The following PIK3CD variants were observed in gnomAD, a reference collection of about 807,000 sequenced individuals.
PIK3CD encodes phosphatidylinositol 4,5-bisphosphate 3-kinase catalytic subunit delta isoform.
In PIK3CD, 20 loss-of-function variants were observed where a neutral mutation model predicts 122.9. The observed-to-expected ratio is 0.16, with a 90% CI of 0.11 to 0.24. The LOEUF (loss-of-function observed/expected upper bound fraction) is 0.24. Among genes scored for constraint, PIK3CD ranks in the 10% least tolerant of loss-of-function variants. The pLI is 1.00. For synonymous variants in PIK3CD, 596 were observed against 593.4 expected (o/e 1.00, Z -0.06); for missense variants, 787 against 1,406.3 (o/e 0.56, Z 7.04).
chr1:9,658,763 C>T (rs2100791875), intron 1 of PIK3CD, among the ~76,000 whole-genome samples: 1 of 152,228 alleles, frequency 6.6e-6, no homozygotes, highest in South Asian at 2.1e-4. Context: ...CTCCTGACCT[C>T]AGGTGATCTA....
chr1:9,705,552 C>T (rs566619197), intron 2 of PIK3CD, among the ~76,000 whole-genome samples: 10 of 151,956 alleles, frequency 6.6e-5, no homozygotes, highest in African/African-American at 2.4e-4. Context: ...CAAAAAGACA[C>T]CATAAGCAAA....
intron 1 of PIK3CD, among the ~76,000 whole-genome samples, chr1:9,671,332 C>G (rs1016941787): frequency 1.3e-5 from 2 of 152,086 alleles, no homozygotes; most frequent in African/African-American, 4.8e-5. Flanking sequence ...CTCCTGGGCC[C>G]AAGAGATCCA....
intron 3 of PIK3CD, among the ~76,000 whole-genome samples, chr1:9,712,965 T>A (rs1453053145): frequency 1.3e-5 from 2 of 152,164 alleles, no homozygotes; most frequent in Non-Finnish European, 2.9e-5. Flanking sequence ...GTAGGTCACC[T>A]GAGGTCAGGA....
rs371817001 is a variant in PIK3CD, at chr1:9,723,102, C to T, written c.2427-23C>T. The T allele has an allele frequency of 2.9e-5, 46 of 1,612,432 alleles. No homozygotes were observed. The East Asian group carries it at 3.8e-4, about 13-fold the overall frequency. The stretch of plus-strand genomic sequence containing the variant: ...ACAGCCCTTGACCATGCCATTTGCC[C>T]GTCCCTCTTCCCCCTTGCCTAGGAT... On this transcript the variant is annotated intron_variant, in intron 19 of 23. Coordinates refer to ENST00000377346, the MANE Select transcript of PIK3CD (RefSeq NM_005026.5). The surrounding 1 kb of genome is among the most constrained non-coding windows in gnomAD (Gnocchi z 4.9).
chr1:9,695,853 A>G (rs200552439), intron 2 of PIK3CD, among the ~76,000 whole-genome samples: 2 of 150,248 alleles, frequency 1.3e-5, no homozygotes, highest in African/African-American at 5.0e-5. Flanking sequence ...CAAAAAAAAA[A>G]AAAAGAAAAG....
rs1647699002 is a variant in PIK3CD at position 9,717,534 on chromosome 1, C to T, written c.931-3C>T. 6.2e-7 allele frequency: 1 copy of T among 1,614,012 alleles called. No individual in the cohort carries two copies. The highest frequency in any genetic ancestry group is 8.5e-7 in the Non-Finnish European group (1 of 1,179,980). ...TTAACAGCCCTGCTTCCCCGGCCCC[C>T]AGCCTTCCTCTGTGTCCCTGTGGTC... On this transcript the variant is annotated splice_region_variant and splice_polypyrimidine_tract_variant and intron_variant, in intron 7 of 23. Transcript: ENST00000377346. The surrounding 1 kb of genome is among the most constrained non-coding windows in gnomAD (Gnocchi z 5.4).
At chr1:9,698,164 C>T (rs185215364) in intron 2 of PIK3CD, among the ~76,000 whole-genome samples, 167 of 151,586 alleles carry the variant, frequency 1.1e-3, no homozygotes, top group African/African-American at 3.9e-3. Flanking sequence ...TTTTTTGAGA[C>T]GGAGTTTCGC....
chr1:9,636,021 A>G, the PIK3CD span, among the ~76,000 whole-genome samples: 2 of 152,234 alleles, frequency 1.3e-5, no homozygotes, highest in Non-Finnish European at 2.9e-5. Context: ...CAGCTTTTTA[A>G]TCTTACATTT....
chr1:9,674,692 CAAAAAAAA>C (rs35463378), intron 1 of PIK3CD, among the ~76,000 whole-genome samples: 1 of 58,222 alleles, frequency 1.7e-5, no homozygotes, highest in Non-Finnish European at 3.8e-5. Context: ...GACTCCGTCT[CAAAAAAAA>C]AAAAAAAAAA....
In PIK3CD at chr1:9,720,140, G is replaced by A. The variant is rs141809100; in HGVS notation, c.1368G>A (p.Thr456=). ...PDEKGELLNP[T]GTVRSNPNTD... is the part of the protein sequence containing the mutation. ...AGAAGGGCGAGCTGCTGAACCCCAC[G>A]GGCACTGTGCGCAGTAACCCCAACA... The change falls in exon 11 of 24, where the codon ACG becomes ACA. Residue 456 remains threonine, a synonymous_variant. Coordinates refer to ENST00000377346, the MANE Select transcript of PIK3CD (RefSeq NM_005026.5). The surrounding 1 kb of genome is among the most constrained non-coding windows in gnomAD (Gnocchi z 9.0). The A allele has an allele frequency of 1.1e-5, 18 of 1,613,074 alleles. No individual in the cohort carries two copies. The highest frequency in any genetic ancestry group is 6.6e-5 in the South Asian group (6 of 91,090).
intron 2 of PIK3CD, among the ~76,000 whole-genome samples, chr1:9,703,426 A>G (rs1570306720): frequency 6.6e-6 from 1 of 152,074 alleles, no homozygotes; most frequent in African/African-American, 2.4e-5. Context: ...GTTTTTGAAA[A>G]GTCCCCAGCT....
upstream of PIK3CD, among the ~76,000 whole-genome samples, chr1:9,649,977 T>C (rs1570022442): frequency 6.6e-6 from 1 of 152,284 alleles, no homozygotes; most frequent in East Asian, 1.9e-4. Context: ...GGGCTCCACA[T>C]TAAATTTACA....
chr1:9,675,513 G>A (rs1290932148), intron 1 of PIK3CD, among the ~76,000 whole-genome samples: 1 of 151,944 alleles, frequency 6.6e-6, no homozygotes, highest in African/African-American at 2.4e-5. Flanking sequence ...CAGCCAGAAA[G>A]TGGCAGAGGC....
At chr1:9,673,449 T>C (rs1570142464) in intron 1 of PIK3CD, among the ~76,000 whole-genome samples, 1 of 151,906 alleles carries the variant, frequency 6.6e-6, no homozygotes, top group Non-Finnish European at 1.5e-5. Context: ...TTAGCAGAGA[T>C]TGGTTTTCAC....
rs1648099302 is a variant in PIK3CD at position 9,719,318 on chromosome 1, T to G, written c.1242+403T>G. On this transcript the variant is annotated intron_variant, in intron 9 of 23. Coordinates refer to ENST00000377346, the MANE Select transcript of PIK3CD (RefSeq NM_005026.5). The surrounding 1 kb of genome is among the most constrained non-coding windows in gnomAD (Gnocchi z 5.5). ...CCCTCGGAGCTGACTCACTCCGAGC[T>G]GAGCTGGGCTGGCCTCTGGGGCTGG... is the stretch of plus-strand genomic sequence containing the variant. 6.6e-6 allele frequency among the ~76,000 whole-genome samples: 1 copy of G among 152,162 alleles called. No individual in the cohort carries two copies.
intron 3 of PIK3CD, among the ~76,000 whole-genome samples, chr1:9,711,844 A>C (rs1216273075): frequency 6.6e-6 from 1 of 152,088 alleles, no homozygotes; most frequent in Non-Finnish European, 1.5e-5. Context: ...TGGCTGCCTA[A>C]GTGGTTTACA....
rs1161365853 is a variant in PIK3CD, at chr1:9,717,532, C to T, written c.931-5C>T. On this transcript the variant is annotated splice_region_variant and splice_polypyrimidine_tract_variant and intron_variant, in intron 7 of 23. Transcript: ENST00000377346. This position sits in a 1 kb window ranked among gnomAD's most constrained non-coding sequence, Gnocchi z 5.4. ...TGTTAACAGCCCTGCTTCCCCGGCC[C>T]CCAGCCTTCCTCTGTGTCCCTGTGG... 5.6e-6 allele frequency: 9 copies of T among 1,613,864 alleles called. No individual in the cohort carries two copies. The highest frequency in any genetic ancestry group is 5.3e-5 in the African/African-American group (4 of 74,946).
Position 9,721,920 on chromosome 1 carries a change from A to G in PIK3CD, c.2056-55A>G, listed in dbSNP as rs373871843. The G allele has an allele frequency of 1.9e-6, 3 of 1,612,386 alleles. No homozygotes were observed. In the East Asian group the frequency reaches 6.7e-5, roughly 36 times the overall value. ...CGGCCCTGAGCGTCTGGGAATCCCCAGGGCTGGGTCGAGGCTGGGACCTGC... is the reference window on the plus strand; with the variant it reads ...CGGCCCTGAGCGTCTGGGAATCCCCGGGGCTGGGTCGAGGCTGGGACCTGC... On this transcript the variant is annotated intron_variant, in intron 16 of 23. Coordinates refer to ENST00000377346, the MANE Select transcript of PIK3CD (RefSeq NM_005026.5).
intron 2 of PIK3CD, among the ~76,000 whole-genome samples, chr1:9,699,017 G>A (rs1425879912): frequency 4.0e-5 from 6 of 151,838 alleles, no homozygotes; most frequent in South Asian, 2.1e-4. Context: ...GGGAGGTCCC[G>A]CCCCCTACAA....
Sources: gnomAD v4.1 joint callset for allele counts (sites outside exome capture counted in the v4.1 genomes callset) on GRCh38, gnomAD v4.1.1 for gene constraint, Gnocchi (gnomAD v3.1) non-coding constraint, MANE v1.5 for transcripts, NCBI Gene and HGNC (gene_info 2026-07-23, HGNC 2026-07-21) for gene names.